Variants in SCHIP1 observed in about 807,000 individuals in gnomAD.
SCHIP1 encodes schwannomin interacting protein 1, also known as schwannomin-interacting protein 1.
In SCHIP1, 8 loss-of-function variants were observed where a neutral mutation model predicts 29.7. That is an observed-to-expected ratio of 0.27 (90% CI 0.16 to 0.49). The LOEUF is 0.49. SCHIP1 is among the 20% of genes least tolerant of loss of function. SCHIP1 has a pLI of 0.99. For missense variants in SCHIP1, 193 were observed against 294.6 expected (o/e 0.66, Z 2.52); for synonymous variants, 76 against 94.9 (o/e 0.80, Z 1.16).
intron 5 of SCHIP1, among the ~76,000 whole-genome samples, chr3:159,891,628 C>A (rs939619947): frequency 3.3e-5 from 5 of 152,176 alleles, no homozygotes; most frequent in Admixed American, 1.3e-4. Flanking sequence ...CTTCTCCTTT[C>A]CTAGGGCCAT....
intron 1 of SCHIP1, among the ~76,000 whole-genome samples, chr3:159,842,980 G>T (rs1033684786): frequency 2.3e-4 from 26 of 111,500 alleles, no homozygotes; most frequent in African/African-American, 8.0e-4. Context: ...CAGCTCTCCA[G>T]TTCTATCCCA....
At chr3:159,461,769 T>C in the SCHIP1 span, among the ~76,000 whole-genome samples, 1 of 152,124 alleles carries the variant, frequency 6.6e-6, no homozygotes, top group African/African-American at 2.4e-5. Context: ...TTGCTTTATA[T>C]ACATCTCTGT....
At chr3:159,763,147 G>T in the SCHIP1 span, among the ~76,000 whole-genome samples, 1 of 152,196 alleles carries the variant, frequency 6.6e-6, no homozygotes, top group East Asian at 1.9e-4. Context: ...GCCTGAACTT[G>T]GAAGGGGATG....
At chr3:159,694,605 A>AAAGAAAGG in the SCHIP1 span, among the ~76,000 whole-genome samples, 116 of 137,220 alleles carry the variant, frequency 8.5e-4, 1 homozygote, top group Admixed American at 2.0e-3. Flanking sequence ...AGAAAGAAAG[A>AAAGAAAGG]AAGGAATTAT....
At chr3:159,638,971 G>A in the SCHIP1 span, among the ~76,000 whole-genome samples, 1 of 151,750 alleles carries the variant, frequency 6.6e-6, no homozygotes, top group Non-Finnish European at 1.5e-5. Context: ...TGAGACAATT[G>A]ATTTAAAGTG....
At chr3:159,653,058 T>C in the SCHIP1 span, among the ~76,000 whole-genome samples, 2 of 152,140 alleles carry the variant, frequency 1.3e-5, no homozygotes, top group South Asian at 2.1e-4. Context: ...GGTACAAATA[T>C]ACAGTTTGAG....
the SCHIP1 span, among the ~76,000 whole-genome samples, chr3:159,496,567 T>A: frequency 2.7e-3 from 402 of 151,658 alleles, 1 homozygote; most frequent in Non-Finnish European, 4.5e-3. Flanking sequence ...ACCATCTCAC[T>A]CCAGTTAGAA....
the SCHIP1 span, among the ~76,000 whole-genome samples, chr3:159,807,830 C>T: frequency 1.3e-5 from 2 of 152,240 alleles, no homozygotes; most frequent in Admixed American, 6.5e-5. Context: ...TTTACACCTG[C>T]TGCCTTCTTA....
chr3:159,777,805 T>C, the SCHIP1 span, among the ~76,000 whole-genome samples: 23 of 152,180 alleles, frequency 1.5e-4, no homozygotes, highest in Admixed American at 1.4e-3. Context: ...CTCAGTCATA[T>C]TGAGACTTTA....
At chr3:159,659,967 A>G in the SCHIP1 span, among the ~76,000 whole-genome samples, 1 of 152,198 alleles carries the variant, frequency 6.6e-6, no homozygotes, top group Non-Finnish European at 1.5e-5. Context: ...ATAGAAGTTC[A>G]AGCAACATAG....
chr3:159,876,216 G>A (rs773952538), intron 2 of SCHIP1, among the ~76,000 whole-genome samples: 2 of 152,072 alleles, frequency 1.3e-5, no homozygotes, highest in African/African-American at 2.4e-5. Flanking sequence ...TTCCACCATC[G>A]ATCATGAGGT....
At chr3:159,480,643 A>G in the SCHIP1 span, among the ~76,000 whole-genome samples, 1 of 152,134 alleles carries the variant, frequency 6.6e-6, no homozygotes, top group Non-Finnish European at 1.5e-5. Context: ...TTTAACAGAG[A>G]CTGCTTTAAA....
chr3:159,463,716 A>G, the SCHIP1 span, among the ~76,000 whole-genome samples: 1 of 150,302 alleles, frequency 6.7e-6, no homozygotes, highest in Admixed American at 6.7e-5. Context: ...CCCAAGTATG[A>G]CAACCATGGA....
chr3:159,786,315 T>C, the SCHIP1 span, among the ~76,000 whole-genome samples: 1 of 152,358 alleles, frequency 6.6e-6, no homozygotes, highest in South Asian at 2.1e-4. Flanking sequence ...AACCTCTAAA[T>C]CATCTATGAT....
At chr3:159,374,121 A>T in the SCHIP1 span, among the ~76,000 whole-genome samples, 1 of 152,180 alleles carries the variant, frequency 6.6e-6, no homozygotes, top group Non-Finnish European at 1.5e-5. Context: ...ACACATTTTT[A>T]AAAATTTTTA....
chr3:159,711,909 T>C, the SCHIP1 span, among the ~76,000 whole-genome samples: 14 of 151,938 alleles, frequency 9.2e-5, no homozygotes, highest in Admixed American at 2.0e-4. Flanking sequence ...CTGAACCGTT[T>C]GCTCTGGGAA....
the SCHIP1 span, among the ~76,000 whole-genome samples, chr3:159,578,382 C>T: frequency 2.0e-5 from 3 of 152,076 alleles, no homozygotes; most frequent in East Asian, 3.8e-4. Flanking sequence ...ATATTATGGG[C>T]ATATTGGGTT....
chr3:159,543,540 C>T, the SCHIP1 span, among the ~76,000 whole-genome samples: 1 of 151,098 alleles, frequency 6.6e-6, no homozygotes, highest in African/African-American at 2.5e-5. Flanking sequence ...CTACAAAGGA[C>T]ATGAACTCAT....
the SCHIP1 span, among the ~76,000 whole-genome samples, chr3:159,689,958 A>G: frequency 1.3e-5 from 2 of 152,184 alleles, no homozygotes; most frequent in Non-Finnish European, 2.9e-5. Context: ...CCACTTGATC[A>G]TGGTGGATAA....
Sources: allele counts gnomAD v4.1 joint callset (sites outside exome capture counted in the v4.1 genomes callset), GRCh38; gene constraint gnomAD v4.1.1; transcripts MANE v1.5; gene names NCBI Gene and HGNC (gene_info 2026-07-23, HGNC 2026-07-21).